Variants in FRMPD4 observed in about 807,000 individuals in gnomAD.
FRMPD4 encodes the protein FERM and PDZ domain containing 4.
In FRMPD4, 22 loss-of-function variants were observed where a neutral mutation model predicts 94.1. That is an observed-to-expected ratio of 0.23 (90% CI 0.17 to 0.33). The LOEUF (loss-of-function observed/expected upper bound fraction) is 0.33. Among genes scored for constraint, FRMPD4 ranks in the 10% least tolerant of loss-of-function variants. The pLI is 1.00. For synonymous variants in FRMPD4, 631 were observed against 548.6 expected (o/e 1.15, Z -2.10); for missense variants, 1,111 against 1,339.9 (o/e 0.83, Z 2.67).
chrX:12,354,042 C>A (rs758725337), intron 1 of FRMPD4, among the ~76,000 whole-genome samples: 3 of 112,120 alleles, frequency 2.7e-5, no homozygotes, highest in Non-Finnish European at 5.6e-5. Context: ...AGCCAAGGCA[C>A]TTTGCTTTTG....
At chrX:11,992,431 G>A (rs189425728) in intron 3 of FRMPD4, among the ~76,000 whole-genome samples, 233 of 111,532 alleles carry the variant, frequency 2.1e-3, no homozygotes, top group Non-Finnish European at 3.6e-3. Context: ...CATGTTTTTA[G>A]TCTTTCAGTA....
chrX:11,983,862 C>T (rs929950319), intron 3 of FRMPD4, among the ~76,000 whole-genome samples: 3 of 111,845 alleles, frequency 2.7e-5, no homozygotes, highest in Non-Finnish European at 5.7e-5. Context: ...TCAGCAGCAC[C>T]TATACTAAAA....
At chrX:12,709,146 G>A (rs1008001673) in intron 13 of FRMPD4, among the ~76,000 whole-genome samples, 4 of 111,509 alleles carry the variant, frequency 3.6e-5, no homozygotes, top group East Asian at 2.8e-4. Context: ...ATAATGATGC[G>A]GTGCCTTGGA....
intron 1 of FRMPD4, among the ~76,000 whole-genome samples, chrX:11,833,248 C>A (rs1052947758): frequency 8.9e-6 from 1 of 112,216 alleles, no homozygotes; most frequent in Non-Finnish European, 1.9e-5. Context: ...CTGAAGGACA[C>A]CTTGGTTGCT....
intron 1 of FRMPD4, among the ~76,000 whole-genome samples, chrX:12,487,046 G>C (rs1485443021): frequency 8.9e-6 from 1 of 112,401 alleles, no homozygotes; most frequent in African/African-American, 3.2e-5. Context: ...ATGGAAATGT[G>C]AGACCAGAAT....
chrX:12,525,396 G>A (rs1012055644), intron 2 of FRMPD4, among the ~76,000 whole-genome samples: 3 of 111,598 alleles, frequency 2.7e-5, no homozygotes, highest in African/African-American at 6.5e-5. Flanking sequence ...GCAAGGCAAC[G>A]TTAAGTCACA....
intron 1 of FRMPD4, among the ~76,000 whole-genome samples, chrX:12,209,328 A>C (rs770490114): frequency 5.6e-4 from 63 of 112,181 alleles, no homozygotes; most frequent in Non-Finnish European, 1.1e-3. Context: ...TTGTTTGCCA[A>C]CTTTATGTTG....
intron 2 of FRMPD4, among the ~76,000 whole-genome samples, chrX:12,560,572 A>C (rs982394299): frequency 1.8e-5 from 2 of 109,344 alleles, no homozygotes; most frequent in African/African-American, 6.6e-5. Context: ...TTGGAGCTTA[A>C]AGTTTTATTA....
intron 3 of FRMPD4, among the ~76,000 whole-genome samples, chrX:12,091,919 T>C (rs1413514157): frequency 8.9e-6 from 1 of 111,756 alleles, no homozygotes; most frequent in African/African-American, 3.3e-5. Flanking sequence ...CTCCTCTTAC[T>C]GCCTCCTAGG....
rs760616063 is a variant in FRMPD4, at chrX:12,260,821, A to G, written c.41+121809A>G. On this transcript the variant is annotated intron_variant, in intron 1 of 16. Coordinates refer to ENST00000675598, the MANE Select transcript of FRMPD4 (RefSeq NM_001368397.1). Reference sequence around the variant, plus strand: ...TCTCCCAATAAAGCATGCTGTTTCAATCCTCCACGCGTTTGCTTAATCTGA... The same window carrying G: ...TCTCCCAATAAAGCATGCTGTTTCAGTCCTCCACGCGTTTGCTTAATCTGA... 8.1e-4 allele frequency among the ~76,000 whole-genome samples: 91 copies of G among 111,667 alleles called. 1 individual carries two copies. The highest frequency in any genetic ancestry group is 2.9e-3 in the African/African-American group (89 of 30,719).
intron 3 of FRMPD4, among the ~76,000 whole-genome samples, chrX:11,902,123 T>C (rs2053941689): frequency 8.9e-6 from 1 of 112,752 alleles, no homozygotes; most frequent in Non-Finnish European, 1.9e-5. Context: ...TAGGTCAGTT[T>C]CAGGTCTGTC....
chrX:11,910,939 A>G (rs747228265), intron 3 of FRMPD4, among the ~76,000 whole-genome samples: 1 of 99,298 alleles, frequency 1.0e-5, no homozygotes. Context: ...CCTGCCCACA[A>G]AAAAAAAAAA....
intron 1 of FRMPD4, among the ~76,000 whole-genome samples, chrX:12,411,744 G>C (rs892735472): frequency 1.8e-5 from 2 of 111,746 alleles, no homozygotes; most frequent in African/African-American, 6.5e-5. Flanking sequence ...TCTGCCCTCT[G>C]TTATTGCATC....
intron 1 of FRMPD4, among the ~76,000 whole-genome samples, chrX:12,145,961 A>G (rs2055758836): frequency 8.9e-6 from 1 of 112,198 alleles, no homozygotes; most frequent in Admixed American, 9.4e-5. Flanking sequence ...TGTAAAGTGC[A>G]AATTGGATCC....
At chrX:12,273,076 C>CA (rs748285844) in intron 1 of FRMPD4, among the ~76,000 whole-genome samples, 150 of 74,500 alleles carry the variant, frequency 2.0e-3, no homozygotes, top group Admixed American at 7.0e-3. Flanking sequence ...GACTTGGTTT[C>CA]AAAAAAAAAA....
At chrX:12,172,144 A>G (rs181847078) in intron 1 of FRMPD4, among the ~76,000 whole-genome samples, 146 of 110,832 alleles carry the variant, frequency 1.3e-3, no homozygotes, top group African/African-American at 4.4e-3. Context: ...AGAATAGTCT[A>G]TCAAGCTTGT....
In FRMPD4 at chrX:12,226,321, G is replaced by C. The variant is rs776217816; in HGVS notation, c.41+87309G>C. Among the ~76,000 whole-genome samples, 29 of 111,221 alleles carry C rather than the reference G, an allele frequency of 2.6e-4. No individual in the cohort carries two copies. The South Asian group carries it at 0.01, about 40-fold the overall frequency. On this transcript the variant is annotated intron_variant, in intron 1 of 16. Coordinates refer to ENST00000675598, the MANE Select transcript of FRMPD4 (RefSeq NM_001368397.1). The stretch of plus-strand genomic sequence containing the variant: ...CTTAGGACTTCTAGGAGGATAGAAT[G>C]GGGAGGGGAGAATCATTCTAAAGAC...
intron 2 of FRMPD4, among the ~76,000 whole-genome samples, chrX:12,513,982 G>C (rs368422286): frequency 9.0e-6 from 1 of 111,174 alleles, no homozygotes; most frequent in South Asian, 3.8e-4. Context: ...TGTAGCAATC[G>C]TGAATGGGAC....
chrX:12,596,740 CTT>C (rs756804572), intron 2 of FRMPD4, among the ~76,000 whole-genome samples: 19 of 111,230 alleles, frequency 1.7e-4, no homozygotes, highest in African/African-American at 6.2e-4. Flanking sequence ...AGAATACAAA[CTT>C]TAGCTTACTG....
Sources: allele counts gnomAD v4.1 joint callset (sites outside exome capture counted in the v4.1 genomes callset), GRCh38; gene constraint gnomAD v4.1.1; transcripts MANE v1.5; gene names NCBI Gene and HGNC (gene_info 2026-07-23, HGNC 2026-07-21).